The following DNAH6 variants were observed in gnomAD, a reference collection of about 807,000 sequenced individuals.
The protein encoded by DNAH6 is dynein axonemal heavy chain 6, also known as axonemal beta dynein heavy chain 6.
In DNAH6, 340 loss-of-function variants were observed where a neutral mutation model predicts 491.4. The ratio of observed to expected loss-of-function variants is 0.69; its 90% CI spans 0.63 to 0.76. The LOEUF (loss-of-function observed/expected upper bound fraction) is 0.76, where lower values mean the gene tolerates loss of function less well. Ranked by LOEUF, DNAH6 falls within the 30% of genes least tolerant of loss-of-function variation. The probability of loss-of-function intolerance (pLI) is 0.00; values close to 1 mark genes in which losing one functional copy is unlikely to be tolerated. For synonymous variants in DNAH6, 1,603 were observed against 1,686.1 expected, an observed-to-expected ratio of 0.95 and a Z score of 1.21; for missense variants, 4,443 against 4,972.2, an observed-to-expected ratio of 0.89 and a Z score of 3.20.
At chr2:84,753,755 TAAAAAAAAA>T (rs1162541312) in intron 63 of DNAH6, among the ~76,000 whole-genome samples, 2 of 77,144 alleles carry the variant, frequency 2.6e-5, no homozygotes, top group African/African-American at 5.7e-5. Context: ...GAAACTCTGT[TAAAAAAAAA>T]AAAAAAAAAA....
chr2:84,637,361 A>T lies in DNAH6; in HGVS notation c.4805A>T (p.Tyr1602Phe), dbSNP rs1688981635. 1.3e-6 allele frequency: 2 copies of T among 1,547,264 alleles called. No homozygotes were observed. The highest frequency in any genetic ancestry group is 1.7e-6 in the Non-Finnish European group (2 of 1,144,354). ...CCATTTGCGATGATGGTTCCAAATTATGCCTTGATTGCAGAGGTGAGCATC... is the reference window on the plus strand; with the variant it reads ...CCATTTGCGATGATGGTTCCAAATTTTGCCTTGATTGCAGAGGTGAGCATC... Reference protein sequence around the residue: ...FRPFAMMVPNYALIAEVILYS... With the variant: ...FRPFAMMVPNFALIAEVILYS... Residue 1602 changes from tyrosine to phenylalanine, a missense_variant, in exon 31 of 77, where the codon TAT becomes TTT. This residue lies in a region of DNAH6 where 2,977 missense variants were observed against 3,296.6 expected (regional missense o/e 0.90). Coordinates refer to ENST00000389394, the MANE Select transcript of DNAH6 (RefSeq NM_001370.2).
At chr2:84,461,413 C>T in the DNAH6 span, among the ~76,000 whole-genome samples, 1 of 152,182 alleles carries the variant, frequency 6.6e-6, no homozygotes, top group Non-Finnish European at 1.5e-5. Context: ...TCCGGGAACA[C>T]CCCTACCTCA....
intron 18 of DNAH6, among the ~76,000 whole-genome samples, chr2:84,597,251 T>A (rs976713624): frequency 2.0e-5 from 3 of 152,190 alleles, no homozygotes; most frequent in African/African-American, 7.2e-5. Flanking sequence ...TAGTTGTACC[T>A]AAAATATGTA....
chr2:84,721,933 C>A (rs1698202547), intron 59 of DNAH6, among the ~76,000 whole-genome samples: 1 of 152,156 alleles, frequency 6.6e-6, no homozygotes, highest in African/African-American at 2.4e-5. Flanking sequence ...GAGGCAGGGG[C>A]AGACAGCAGT....
At chr2:84,604,658 C>G in intron 19 of DNAH6, 107 bp downstream of exon 19, 2 of 769,550 alleles carry the variant, frequency 2.6e-6, no homozygotes, top group Non-Finnish European at 4.1e-6. Flanking sequence ...AGCTTTCACT[C>G]TCTCATTATC....
chr2:84,538,411 GA>G (rs1677911150), intron 4 of DNAH6, among the ~76,000 whole-genome samples: 1 of 152,128 alleles, frequency 6.6e-6, no homozygotes, highest in Admixed American at 6.6e-5. Context: ...TCAATTCTAT[GA>G]TTTCATTCTC....
intron 32 of DNAH6, 71 bp from the exon 33 acceptor site, chr2:84,641,876 C>A (rs1271359480): frequency 7.7e-7 from 1 of 1,300,934 alleles, no homozygotes; most frequent in South Asian, 1.3e-5. Context: ...TCTGCCCTCC[C>A]CACAGGTTTA....
intron 10 of DNAH6, 81 bp from the exon 11 acceptor site, chr2:84,557,652 GTC>G (rs1680184810): frequency 9.9e-6 from 1 of 100,630 alleles, no homozygotes. Flanking sequence ...GCGAGACTCC[GTC>G]TCAAAAAAAA....
chr2:84,488,200 G>A, the DNAH6 span, among the ~76,000 whole-genome samples: 12 of 152,000 alleles, frequency 7.9e-5, no homozygotes, highest in Non-Finnish European at 1.3e-4. Flanking sequence ...TTCTACAGTG[G>A]GAGTAACAAA....
intron 49 of DNAH6, among the ~76,000 whole-genome samples, chr2:84,701,888 C>A (rs530887575): frequency 6.6e-6 from 1 of 152,300 alleles, no homozygotes; most frequent in South Asian, 2.1e-4. Flanking sequence ...GTGCCCCTGA[C>A]AACCTAAAAT....
chr2:84,491,643 CAGA>C, the DNAH6 span, among the ~76,000 whole-genome samples: 1 of 152,152 alleles, frequency 6.6e-6, no homozygotes, highest in Non-Finnish European at 1.5e-5. Flanking sequence ...TCTGGGACTG[CAGA>C]AGAAGTGTTC....
chr2:84,644,299 T>C (rs1689695514), intron 33 of DNAH6, among the ~76,000 whole-genome samples: 1 of 152,238 alleles, frequency 6.6e-6, no homozygotes. Context: ...TAGGCTCTGA[T>C]TAACTCTCCT....
chr2:84,797,728 C>T, intron 70 of DNAH6, 70 bp downstream of exon 70: 1 of 1,178,038 alleles, frequency 8.5e-7, no homozygotes, highest in Non-Finnish European at 1.2e-6. Flanking sequence ...AATAATCACC[C>T]CCACTCACTC....
chr2:84,545,205 T>A (rs2104528271), intron 5 of DNAH6, among the ~76,000 whole-genome samples: 1 of 152,240 alleles, frequency 6.6e-6, no homozygotes, highest in South Asian at 2.1e-4. Flanking sequence ...ACTTTGCATA[T>A]GATAATATGA....
chr2:84,805,169 T>A (rs1399336759), intron 70 of DNAH6, among the ~76,000 whole-genome samples: 5 of 152,286 alleles, frequency 3.3e-5, no homozygotes, highest in South Asian at 2.1e-4. Context: ...AACAAAAAAA[T>A]TTTTAGTATA....
In DNAH6 at chr2:84,610,464, A is replaced by G. The variant is rs141683603; in HGVS notation, c.3295-1210A>G. 3.4e-4 allele frequency among the ~76,000 whole-genome samples: 52 copies of G among 152,300 alleles called. 1 individual carries two copies. The highest frequency in any genetic ancestry group is 1.2e-3 in the African/African-American group (51 of 41,568). ...GGGCCACCTTATGAGTCTTGCTACA[A>G]CGACTATATTTACTGGAAGAATGCT... On this transcript the variant is annotated intron_variant, in intron 21 of 76. Coordinates refer to ENST00000389394, the MANE Select transcript of DNAH6 (RefSeq NM_001370.2).
At chr2:84,728,740 T>G (rs1354627699) in intron 61 of DNAH6, among the ~76,000 whole-genome samples, 2 of 152,124 alleles carry the variant, frequency 1.3e-5, no homozygotes, top group Non-Finnish European at 2.9e-5. Context: ...TAATACGAGT[T>G]CTGCTACAGT....
At chr2:84,537,728 T>C (rs1677831940) in intron 4 of DNAH6, among the ~76,000 whole-genome samples, 1 of 152,092 alleles carries the variant, frequency 6.6e-6, no homozygotes. Context: ...TAAAAAGTTC[T>C]CTCCCTAGTA....
intron 37 of DNAH6, among the ~76,000 whole-genome samples, chr2:84,659,637 G>A (rs957279642): frequency 6.6e-6 from 1 of 152,144 alleles, no homozygotes; most frequent in Non-Finnish European, 1.5e-5. Context: ...TATTGGATTG[G>A]TATTGCAGGT....
Sources: allele counts gnomAD v4.1 joint callset (sites outside exome capture counted in the v4.1 genomes callset), GRCh38; gene constraint gnomAD v4.1.1; regional missense constraint gnomAD v4.1.1; transcripts MANE v1.5; gene names NCBI Gene and HGNC (gene_info 2026-07-23, HGNC 2026-07-21).